ARHGAP33: variants seen among roughly 807,000 people sequenced by gnomAD.
ARHGAP33 encodes the protein Rho GTPase activating protein 33.
ARHGAP33 carries 57 observed loss-of-function variants against 126.2 expected under a neutral mutation model. That is an observed-to-expected ratio of 0.45 (90% CI 0.36 to 0.56). The LOEUF (loss-of-function observed/expected upper bound fraction) is 0.56. Among genes scored for constraint, ARHGAP33 ranks in the 20% least tolerant of loss-of-function variants. The pLI is 0.00. For synonymous variants in ARHGAP33, 711 were observed against 755.0 expected, an observed-to-expected ratio of 0.94 and a Z score of 0.95; for missense variants, 1,500 against 1,748.3, an observed-to-expected ratio of 0.86 and a Z score of 2.53.
chr19:35,788,195 A>G lies in ARHGAP33; in HGVS notation c.3630A>G (p.Gln1210=). The G allele has an allele frequency of 6.2e-7, 1 of 1,605,376 alleles. No homozygotes were observed. Among genetic ancestry groups the G allele is most frequent in the Non-Finnish European group, 8.5e-7 (1 of 1,176,948 alleles). Residue 1210 remains glutamine (Q), a synonymous_variant, in exon 21 of 21, where the codon CAA becomes CAG. Coordinates refer to ENST00000007510, the MANE Select transcript of ARHGAP33 (RefSeq NM_001366178.1). ...CAGTCCCCCGCCTTCCCCAGAAACA[A>G]CGGGCACCCTGGGGACCCCGTACCC... ...GPPVPRLPQK[Q]RAPWGPRTPH... is the part of the protein sequence containing the mutation.
chr19:35,777,551 G>A (rs374492306), intron 1 of ARHGAP33, 94 bp from the exon 2 acceptor site: 325 of 1,018,750 alleles, frequency 3.2e-4, no homozygotes, highest in Non-Finnish European at 4.2e-4. Context: ...TGTGTGGAGC[G>A]CCCGGGGCTC....
intron 1 of ARHGAP33, 79 bp from the exon 2 acceptor site, chr19:35,777,566 C>T (rs765519616): frequency 8.1e-7 from 1 of 1,239,464 alleles, no homozygotes; most frequent in Non-Finnish European, 1.2e-6. Flanking sequence ...GGGCTCTGGA[C>T]CCGCGCTGCC....
At chr19:35,776,806 C>T (rs1971481609) in intron 1 of ARHGAP33, among the ~76,000 whole-genome samples, 2 of 152,142 alleles carry the variant, frequency 1.3e-5, no homozygotes, top group Non-Finnish European at 2.9e-5. Flanking sequence ...GGGAGAAGCT[C>T]TGGTCAAGGC....
rs1359872977 is a variant in ARHGAP33 at position 35,781,370 on chromosome 19, C to T, written c.1085+118C>T. The T allele has an allele frequency of 9.6e-6, 10 of 1,037,320 alleles. No homozygotes were observed. The East Asian group carries it at 2.2e-4, about 23-fold the overall frequency. The allele number at this position is 1,037,320 out of a possible 1,614,324, so 64.3% of individuals were successfully genotyped here. A position where few individuals can be genotyped will look rare whatever the true frequency, so the allele number is the denominator to read the frequency against. Reference sequence around the variant, plus strand: ...GGAGTCAGGAGTGGCAGGATCAAGGCTGGGGTCAGGGACAGCTCTCTTGAG... The same window carrying T: ...GGAGTCAGGAGTGGCAGGATCAAGGTTGGGGTCAGGGACAGCTCTCTTGAG... On this transcript the variant is annotated intron_variant, in intron 12 of 20. Coordinates refer to ENST00000007510, the MANE Select transcript of ARHGAP33 (RefSeq NM_001366178.1).
Position 35,782,611 on chromosome 19 carries a change from G to T in ARHGAP33, c.1245G>T (p.Val415=). The change falls in exon 14 of 21, where the codon GTG becomes GTT. Residue 415 remains valine, a synonymous_variant. Coordinates refer to ENST00000007510, the MANE Select transcript of ARHGAP33 (RefSeq NM_001366178.1). The surrounding 1 kb of genome is among the most constrained non-coding windows in gnomAD (Gnocchi z 4.1). ...LYGKFSEAMS[V]PGEEERLVRV... ...CACCATCTCAGGAGGCCATGTCAGT[G>T]CCTGGGGAGGAGGAGCGTCTGGTGC... 6.2e-7 allele frequency: 1 copy of T among 1,613,848 alleles called. No individual in the cohort carries two copies. Among genetic ancestry groups the T allele is most frequent in the Non-Finnish European group, 8.5e-7 (1 of 1,179,946 alleles).
rs1444306144 is a variant in ARHGAP33 at position 35,780,954 on chromosome 19, G to T, written c.864G>T (p.Leu288=). The T allele has an allele frequency of 6.2e-7, 1 of 1,609,670 alleles. No homozygotes were observed. Among genetic ancestry groups the T allele is most frequent in the Non-Finnish European group, 8.5e-7 (1 of 1,179,922 alleles). Residue 288 remains leucine, a synonymous_variant, in exon 11 of 21, where the codon CTG becomes CTT. Transcript: ENST00000007510. ...GGCCTCGTGGGAAGCTGGCCGGCCTGCTCCGCACCTTCATGCGCTCCCGCC... is the reference window on the plus strand; with the variant it reads ...GGCCTCGTGGGAAGCTGGCCGGCCTTCTCCGCACCTTCATGCGCTCCCGCC... The part of the protein sequence containing the change: ...VPRPRGKLAG[L]LRTFMRSRPS...
chr19:35,787,196 C>A lies in ARHGAP33; in HGVS notation c.2631C>A (p.Pro877=). The change falls in exon 21 of 21, where the codon CCC becomes CCA. Residue 877 remains proline, a synonymous_variant. Coordinates refer to ENST00000007510, the MANE Select transcript of ARHGAP33 (RefSeq NM_001366178.1). ...CTGATATGGAGTCACCACTGCCACC[C>A]CCTCCCCTGTCTCTCCTGCGCCCTG... The part of the protein sequence containing the change: ...LGPDMESPLP[P]PPLSLLRPGG... 6.2e-7 allele frequency: 1 copy of A among 1,611,066 alleles called. No homozygotes were observed.
At chr19:35,778,990 C>T (rs1171268210) in intron 5 of ARHGAP33, 42 bp from the exon 6 acceptor site, 1 of 1,485,738 alleles carries the variant, frequency 6.7e-7, no homozygotes, top group Non-Finnish European at 9.2e-7. Context: ...TGGGCTCTCT[C>T]ACGTCCACTC....
In ARHGAP33 at chr19:35,780,341, T is replaced by C; in HGVS notation, c.624+8T>C. ...GATGAGCTGTCCTTTGAGGTGAGGC[T>C]GTGGGGAAGCAGATTCCAGCTGGGC... is the stretch of plus-strand genomic sequence containing the variant. On this transcript the variant is annotated splice_region_variant and intron_variant, in intron 7 of 20. Coordinates refer to ENST00000007510, the MANE Select transcript of ARHGAP33 (RefSeq NM_001366178.1). The C allele has an allele frequency of 6.2e-7, 1 of 1,613,536 alleles. No homozygotes were observed. The highest frequency in any genetic ancestry group is 1.3e-5 in the African/African-American group (1 of 74,982).
chr19:35,782,923 A>G lies in ARHGAP33; in HGVS notation c.1421+54A>G. 1 of 1,465,878 alleles carries G rather than the reference A, an allele frequency of 6.8e-7. No individual in the cohort carries two copies. Among genetic ancestry groups the G allele is most frequent in the Non-Finnish European group, 9.3e-7 (1 of 1,069,556 alleles). 90.8% of individuals were successfully genotyped at this position (1,465,878 alleles called of 1,614,324 possible). Reference sequence around the variant, plus strand: ...TCAGGTCTTTCCCCAAAACCACCCCAGGAACCCGCCCAGCTTTTCTTTTGT... The same window carrying G: ...TCAGGTCTTTCCCCAAAACCACCCCGGGAACCCGCCCAGCTTTTCTTTTGT... On this transcript the variant is annotated intron_variant, in intron 15 of 20. Transcript: ENST00000007510. This position sits in a 1 kb window ranked among gnomAD's most constrained non-coding sequence, Gnocchi z 4.1.
chr19:35,775,727 C>G, intron 1 of ARHGAP33, 63 bp downstream of exon 1: 1 of 1,422,342 alleles, frequency 7.0e-7, no homozygotes, highest in Non-Finnish European at 9.4e-7. Flanking sequence ...TGCGCAGCCC[C>G]GCCCCGCGCG....
intron 1 of ARHGAP33, among the ~76,000 whole-genome samples, chr19:35,776,617 G>A (rs1055622059): frequency 6.6e-6 from 1 of 152,230 alleles, no homozygotes; most frequent in Non-Finnish European, 1.5e-5. Context: ...GCGCGACTGG[G>A]CTGGCACTGG....
In ARHGAP33 at chr19:35,788,196, C is replaced by G; in HGVS notation, c.3631C>G (p.Arg1211Gly). ...AGTCCCCCGCCTTCCCCAGAAACAA[C>G]GGGCACCCTGGGGACCCCGTACCCC... ...PPVPRLPQKQ[R>G]APWGPRTPHR... The change falls in exon 21 of 21, where the codon CGG becomes GGG. Residue 1211 changes from arginine (R) to glycine (G), a missense_variant. By Grantham distance (125) the Arg-to-Gly change is moderately radical. Transcript: ENST00000007510. 14 of 1,604,518 alleles carry G rather than the reference C, an allele frequency of 8.7e-6. No homozygotes were observed. Among genetic ancestry groups the G allele is most frequent in the Non-Finnish European group, 1.2e-5 (14 of 1,176,294 alleles).
chr19:35,781,164 C>T lies in ARHGAP33; in HGVS notation c.997C>T (p.Arg333Cys), dbSNP rs576707239. The change falls in exon 12 of 21, where the codon CGC (arginine) becomes TGC (cysteine). Residue 333 changes from arginine to cysteine, a missense_variant. Transcript: ENST00000007510. ...NSGQDVPQVLRCCSEFIEAHG... is the reference protein window; with the variant it reads ...NSGQDVPQVLCCCSEFIEAHG... ...CTTTCTCCCAGTGCCCCAGGTGCTG[C>T]GCTGCTGCTCCGAGTTCATTGAGGC... 4.4e-6 allele frequency: 7 copies of T among 1,594,836 alleles called. No individual in the cohort carries two copies. The highest frequency in any genetic ancestry group is 4.1e-5 in the African/African-American group (3 of 73,654).
Position 35,782,021 on chromosome 19 carries a change from G to C in ARHGAP33, c.1086-352G>C, listed in dbSNP as rs561160082. Among the ~76,000 whole-genome samples the C allele has an allele frequency of 5.3e-5, 8 of 152,236 alleles. No homozygotes were observed. The highest frequency in any genetic ancestry group is 3.4e-3 in the Middle Eastern group (1 of 294). ...CCCACCAGAGAATTGGGAGTAGCAG[G>C]GTGCTGGGATTTTGTCCACATTTTC... On this transcript the variant is annotated intron_variant, in intron 12 of 20. Coordinates refer to ENST00000007510, the MANE Select transcript of ARHGAP33 (RefSeq NM_001366178.1). The surrounding 1 kb of genome is among the most constrained non-coding windows in gnomAD (Gnocchi z 4.1).
Position 35,780,832 on chromosome 19 carries a change from G to A in ARHGAP33, c.829+16G>A, listed in dbSNP as rs375841616. Reference sequence around the variant, plus strand: ...CTGACCTCAGGTAATAGAAATAGGCGGTCAGGTCCCAGCCCCTACCCCACC... The same window carrying A: ...CTGACCTCAGGTAATAGAAATAGGCAGTCAGGTCCCAGCCCCTACCCCACC... On this transcript the variant is annotated intron_variant, in intron 10 of 20. Transcript: ENST00000007510. 1.3e-5 allele frequency: 21 copies of A among 1,613,648 alleles called. No homozygotes were observed. The Admixed American group carries it at 1.5e-4, about 12-fold the overall frequency.
At chr19:35,779,314 G>A in intron 6 of ARHGAP33, 190 bp downstream of exon 6, 1 of 582,338 alleles carries the variant, frequency 1.7e-6, no homozygotes, top group Non-Finnish European at 3.1e-6. Context: ...GTGTGCACGT[G>A]TGTGTGTTAG....
At chr19:35,785,533 G>A (rs747179547) in intron 19 of ARHGAP33, 50 bp downstream of exon 19, 22 of 1,609,626 alleles carry the variant, frequency 1.4e-5, no homozygotes, top group Admixed American at 5.0e-5. Context: ...ATGTGGAGCC[G>A]GGAGGAATTG....
intron 15 of ARHGAP33, among the ~76,000 whole-genome samples, chr19:35,783,454 A>G (rs1971912619): frequency 6.6e-6 from 1 of 152,160 alleles, no homozygotes; most frequent in Admixed American, 6.5e-5. Flanking sequence ...CTGCACTAAG[A>G]AGGCAATATT....
Sources: allele counts gnomAD v4.1 joint callset (sites outside exome capture counted in the v4.1 genomes callset), GRCh38; gene constraint gnomAD v4.1.1; non-coding constraint Gnocchi (gnomAD v3.1); transcripts MANE v1.5; gene names NCBI Gene and HGNC (gene_info 2026-07-23, HGNC 2026-07-21).